DIP2A: variants seen among roughly 807,000 people sequenced by gnomAD.
DIP2A encodes the protein DIP2 acetate--CoA ligase A.
A neutral mutation model predicts 177.4 loss-of-function variants in DIP2A; 85 were observed. That is an observed-to-expected ratio of 0.48 (90% CI 0.40 to 0.57). The LOEUF (loss-of-function observed/expected upper bound fraction) is 0.57, where lower values mean the gene tolerates loss of function less well. DIP2A is among the 20% of genes least tolerant of loss of function. The pLI is 0.00. For missense variants in DIP2A, 1,791 were observed against 2,100.2 expected (o/e 0.85, Z 2.88); for synonymous variants, 886 against 881.8 (o/e 1.00, Z -0.08).
chr21:46,557,736 C>A lies in DIP2A; in HGVS notation c.3781C>A (p.Gln1261Lys). ...GATGTGCACCAAGGGCCTAGGCGCA[C>A]AGACGGGTGTCCTCAGGGTGAGTGC... ...MEMCTKGLGAQTGVLRMKGVN... is the reference protein window; with the variant it reads ...MEMCTKGLGAKTGVLRMKGVN... Residue 1261 changes from glutamine (Q) to lysine (K), a missense_variant, in exon 31 of 38, where the codon CAG (glutamine) becomes AAG (lysine). Coordinates refer to ENST00000417564, the MANE Select transcript of DIP2A (RefSeq NM_015151.4). The surrounding 1 kb of genome is among the most constrained non-coding windows in gnomAD (Gnocchi z 6.0). The A allele has an allele frequency of 6.2e-7, 1 of 1,610,818 alleles. No homozygotes were observed.
At chr21:46,509,473 CTA>C (rs2058199965) in intron 7 of DIP2A, 97 bp downstream of exon 7, 3 of 1,410,036 alleles carry the variant, frequency 2.1e-6, no homozygotes, top group Non-Finnish European at 2.8e-6. Context: ...ATGGATATTG[CTA>C]TATATATTCT....
intron 8 of DIP2A, chr21:46,525,795 C>A (rs2059049098): frequency 6.6e-6 from 1 of 151,750 alleles, no homozygotes; most frequent in Admixed American, 6.6e-5. Context: ...ATGAGCTTAT[C>A]AGGTGTCACA....
intron 22 of DIP2A, chr21:46,550,104 A>G: frequency 8.2e-7 from 1 of 1,216,422 alleles, no homozygotes; most frequent in South Asian, 1.8e-5. Context: ...AATAATTAAT[A>G]TATCCATCAC....
chr21:46,474,113 A>G (rs1354249552), intron 1 of DIP2A, among the ~76,000 whole-genome samples: 1 of 152,122 alleles, frequency 6.6e-6, no homozygotes, highest in African/African-American at 2.4e-5. Context: ...GGGCAATCAG[A>G]AGTAGAGCCA....
intron 2 of DIP2A, among the ~76,000 whole-genome samples, chr21:46,488,888 T>A (rs954756738): frequency 3.3e-5 from 5 of 152,230 alleles, no homozygotes; most frequent in African/African-American, 1.2e-4. Context: ...AAAGGATGCA[T>A]ATTTTGGAAT....
intron 1 of DIP2A, among the ~76,000 whole-genome samples, chr21:46,464,247 G>C (rs13052128): frequency 6.6e-6 from 1 of 151,810 alleles, no homozygotes; most frequent in East Asian, 2.0e-4. Flanking sequence ...CAAAAAATTA[G>C]CCGGGCGTGG....
chr21:46,477,268 G>A (rs1479538449), intron 1 of DIP2A, among the ~76,000 whole-genome samples: 1 of 152,018 alleles, frequency 6.6e-6, no homozygotes, highest in Middle Eastern at 3.2e-3. Flanking sequence ...TTTTTATCCA[G>A]GCGTGGTGGC....
Position 46,533,146 on chromosome 21 carries a change from C to G in DIP2A, c.1306-378C>G, listed in dbSNP as rs370950194. Among the ~76,000 whole-genome samples the G allele has an allele frequency of 6.6e-5, 10 of 152,292 alleles. No homozygotes were observed. In the East Asian group the frequency reaches 1.5e-3, roughly 23 times the overall value. On this transcript the variant is annotated intron_variant, in intron 10 of 37. Coordinates refer to ENST00000417564, the MANE Select transcript of DIP2A (RefSeq NM_015151.4). ...GGAAATAATTTAATATCGTTGGTGACCAGGCCTCTCTAGATTAATTTGTAA... is the reference window on the plus strand; with the variant it reads ...GGAAATAATTTAATATCGTTGGTGAGCAGGCCTCTCTAGATTAATTTGTAA...
At chr21:46,543,440 G>A (rs1020094143) in intron 18 of DIP2A, among the ~76,000 whole-genome samples, 3 of 151,322 alleles carry the variant, frequency 2.0e-5, no homozygotes, top group South Asian at 2.1e-4. Flanking sequence ...CTCCTCCCCC[G>A]GGCGTGCACA....
intron 10 of DIP2A, 133 bp downstream of exon 10, chr21:46,532,370 ACAGG>A: frequency 1.4e-6 from 1 of 710,342 alleles, no homozygotes; most frequent in African/African-American, 1.8e-5. Flanking sequence ...CTAGTAGTCA[ACAGG>A]CTGGCCAGGA....
At chr21:46,473,460 A>G (rs1436206376) in intron 1 of DIP2A, among the ~76,000 whole-genome samples, 1 of 123,214 alleles carries the variant, frequency 8.1e-6, no homozygotes, top group African/African-American at 3.9e-5. Flanking sequence ...GTCTCAGGGA[A>G]AAAAAAAGGG....
rs549955915 is a variant in DIP2A, at chr21:46,563,563, G to A, written c.4090-295G>A. ...CCCTGGATGGATGCCCATCAGGTGC[G>A]CTGGCATCACCTGGCTGATTGTCTT... On this transcript the variant is annotated intron_variant, in intron 34 of 37. Transcript: ENST00000417564. This position sits in a 1 kb window ranked among gnomAD's most constrained non-coding sequence, Gnocchi z 4.3. The A allele has an allele frequency of 6.5e-5, 24 of 370,184 alleles. No homozygotes were observed. Among genetic ancestry groups the A allele is most frequent in the South Asian group, 3.1e-4 (11 of 35,832 alleles). The allele number at this position is 370,184 out of a possible 1,614,324, so 22.9% of individuals were successfully genotyped here.
At chr21:46,506,764 C>CT (rs2058023198) in intron 6 of DIP2A, among the ~76,000 whole-genome samples, 3 of 65,212 alleles carry the variant, frequency 4.6e-5, no homozygotes, top group African/African-American at 1.1e-4. Context: ...TTCTTTCTTT[C>CT]TTTCTTTCTT....
intron 1 of DIP2A, among the ~76,000 whole-genome samples, chr21:46,477,544 TG>T (rs1170243460): frequency 8.8e-4 from 19 of 21,526 alleles, no homozygotes; most frequent in African/African-American, 3.5e-3. Flanking sequence ...AAAAAAGATT[TG>T]TGTGTGTGTG....
intron 2 of DIP2A, 142 bp from the exon 3 acceptor site, chr21:46,490,458 G>T: frequency 9.9e-7 from 1 of 1,008,548 alleles, no homozygotes; most frequent in Non-Finnish European, 1.4e-6. Context: ...GCATTTATGC[G>T]TCTATCACTG....
chr21:46,532,346 C>T, intron 10 of DIP2A, 109 bp downstream of exon 10: 2 of 878,422 alleles, frequency 2.3e-6, no homozygotes, highest in Non-Finnish European at 3.5e-6. Flanking sequence ...GCTGTTTTGA[C>T]AGAGGAGAGA....
rs772943418 is a variant in DIP2A, at chr21:46,565,898, G to A, written c.4339+11G>A. The stretch of plus-strand genomic sequence containing the variant: ...CTGATGCCAGTGGAGGTGAGGGGTT[G>A]TGGTGAAGCCCTGCGTGAGTGCTGT... On this transcript the variant is annotated intron_variant, in intron 36 of 37. Coordinates refer to ENST00000417564, the MANE Select transcript of DIP2A (RefSeq NM_015151.4). 9.3e-6 allele frequency: 15 copies of A among 1,613,508 alleles called. No homozygotes were observed. In the African/African-American group the frequency reaches 2.0e-4, roughly 22 times the overall value.
intron 25 of DIP2A, 79 bp from the exon 26 acceptor site, chr21:46,554,090 A>T: frequency 6.9e-7 from 1 of 1,444,558 alleles, no homozygotes; most frequent in East Asian, 2.7e-5. Context: ...AGTGGCGTGC[A>T]GGTGGTGTGC....
chr21:46,478,085 A>C (rs1189592343), intron 1 of DIP2A, among the ~76,000 whole-genome samples: 1 of 152,122 alleles, frequency 6.6e-6, no homozygotes, highest in Non-Finnish European at 1.5e-5. Context: ...TTCTGTCTTC[A>C]TATCTGGTAA....
Sources: gnomAD v4.1 joint callset for allele counts (sites outside exome capture counted in the v4.1 genomes callset) on GRCh38, gnomAD v4.1.1 for gene constraint, Gnocchi (gnomAD v3.1) non-coding constraint, MANE v1.5 for transcripts, NCBI Gene and HGNC (gene_info 2026-07-23, HGNC 2026-07-21) for gene names.